PDE8A: variants seen among roughly 807,000 people sequenced by gnomAD.
The protein encoded by PDE8A is high affinity cAMP-specific and IBMX-insensitive 3',5'-cyclic phosphodiesterase 8A.
Under a neutral mutation model 105.0 loss-of-function variants are expected in PDE8A, and 59 were observed. The ratio of observed to expected loss-of-function variants is 0.56; its 90% CI spans 0.46 to 0.70. The LOEUF (loss-of-function observed/expected upper bound fraction) is 0.70, where lower values mean the gene tolerates loss of function less well. Among genes scored for constraint, PDE8A ranks in the 30% least tolerant of loss-of-function variants. The pLI is 0.00. For synonymous variants in PDE8A, 355 were observed against 371.9 expected (o/e 0.95, Z 0.52); for missense variants, 1,014 against 1,045.9 (o/e 0.97, Z 0.42).
intron 1 of PDE8A, among the ~76,000 whole-genome samples, chr15:85,008,044 T>TC (rs1269205653): frequency 4.6e-5 from 7 of 152,034 alleles, no homozygotes; most frequent in Admixed American, 1.3e-4. Flanking sequence ...CTGAGGTCCT[T>TC]AATGTATGTG....
chr15:85,126,119 T>C, intron 19 of PDE8A, 88 bp from the exon 20 acceptor site: 1 of 895,812 alleles, frequency 1.1e-6, no homozygotes, highest in South Asian at 2.2e-5. Flanking sequence ...TAGTGCTCTT[T>C]TTATGCTTAC....
At chr15:85,090,914 C>A in intron 7 of PDE8A, 130 bp from the exon 8 acceptor site, 1 of 729,796 alleles carries the variant, frequency 1.4e-6, no homozygotes, top group Non-Finnish European at 2.4e-6. Context: ...ACAACTGCCA[C>A]GGTGAGGTCC....
chr15:85,081,060 G>A (rs1164946751), intron 5 of PDE8A, among the ~76,000 whole-genome samples: 1 of 152,200 alleles, frequency 6.6e-6, no homozygotes, highest in Non-Finnish European at 1.5e-5. Context: ...TGTGACAAAA[G>A]GATGCTCAGG....
chr15:85,007,222 G>A (rs1038227199), intron 1 of PDE8A, among the ~76,000 whole-genome samples: 1 of 152,074 alleles, frequency 6.6e-6, no homozygotes, highest in South Asian at 2.1e-4. Flanking sequence ...GGCAGTGTCA[G>A]TTAAAGGGGC....
chr15:85,022,696 A>G (rs1167060713), intron 1 of PDE8A, among the ~76,000 whole-genome samples: 2 of 150,932 alleles, frequency 1.3e-5, no homozygotes, highest in Non-Finnish European at 3.0e-5. Context: ...TTACAGGTGC[A>G]TGCCACCACA....
chr15:85,078,260 A>G (rs528495376), intron 5 of PDE8A, among the ~76,000 whole-genome samples: 11 of 152,244 alleles, frequency 7.2e-5, no homozygotes, highest in South Asian at 6.2e-4. Flanking sequence ...GGAAAACAAG[A>G]CAGTGGAATA....
At chr15:85,061,983 C>CA (rs372273794) in intron 1 of PDE8A, among the ~76,000 whole-genome samples, 150 of 152,192 alleles carry the variant, frequency 9.9e-4, no homozygotes, top group African/African-American at 3.5e-3. Context: ...CTTAGATTTT[C>CA]ATGTTGTTCG....
chr15:85,098,369 A>G (rs2081796504), intron 9 of PDE8A, among the ~76,000 whole-genome samples: 1 of 152,184 alleles, frequency 6.6e-6, no homozygotes, highest in Non-Finnish European at 1.5e-5. Context: ...AAGATTTTTT[A>G]TCTAATTTGA....
At chr15:85,126,936 C>T (rs1321567435) in intron 20 of PDE8A, among the ~76,000 whole-genome samples, 1 of 152,170 alleles carries the variant, frequency 6.6e-6, no homozygotes. Context: ...CCAGAAGACA[C>T]GGGAACATCT....
chr15:85,112,138 A>G (rs2082029745), intron 12 of PDE8A, among the ~76,000 whole-genome samples: 1 of 151,812 alleles, frequency 6.6e-6, no homozygotes, highest in African/African-American at 2.4e-5. Flanking sequence ...TTTTTTTCTT[A>G]CCTTATTGCT....
intron 1 of PDE8A, among the ~76,000 whole-genome samples, chr15:85,007,514 A>G (rs1411775496): frequency 1.3e-5 from 2 of 151,840 alleles, no homozygotes; most frequent in South Asian, 2.1e-4. Context: ...CGCTATATGT[A>G]CTTTCTGTGT....
chr15:85,114,998 A>T (rs2082073559), intron 14 of PDE8A, among the ~76,000 whole-genome samples: 1 of 152,112 alleles, frequency 6.6e-6, no homozygotes. Context: ...ATGAGGTGAG[A>T]GAGGAGCTAA....
chr15:84,997,194 A>G (rs1021120598), intron 1 of PDE8A, among the ~76,000 whole-genome samples: 1 of 151,222 alleles, frequency 6.6e-6, no homozygotes, highest in Non-Finnish European at 1.5e-5. Flanking sequence ...TTTCTCCATT[A>G]TGTTTTTTTT....
At chr15:85,078,413 G>C (rs1334039876) in intron 5 of PDE8A, among the ~76,000 whole-genome samples, 1 of 151,830 alleles carries the variant, frequency 6.6e-6, no homozygotes, top group Non-Finnish European at 1.5e-5. Context: ...GGGCATGGTG[G>C]TGCACACCTG....
chr15:85,040,703 G>A (rs2141394510), intron 1 of PDE8A, among the ~76,000 whole-genome samples: 1 of 151,964 alleles, frequency 6.6e-6, no homozygotes, highest in East Asian at 1.9e-4. Flanking sequence ...TGGGACTACA[G>A]GCGCCCACCA....
intron 1 of PDE8A, among the ~76,000 whole-genome samples, chr15:84,993,271 G>C (rs372625682): frequency 2.0e-5 from 3 of 151,424 alleles, no homozygotes; most frequent in South Asian, 2.1e-4. Flanking sequence ...GTGAAACCCC[G>C]TCTCTTCTAA....
intron 1 of PDE8A, among the ~76,000 whole-genome samples, chr15:85,017,661 T>C (rs996002426): frequency 6.6e-6 from 1 of 150,914 alleles, no homozygotes; most frequent in Non-Finnish European, 1.5e-5. Flanking sequence ...CTGAGGCGGG[T>C]GGATTACTTG....
chr15:85,042,031 A>G (rs2080817571), intron 1 of PDE8A, among the ~76,000 whole-genome samples: 1 of 152,054 alleles, frequency 6.6e-6, no homozygotes. Context: ...TTAGAATTAG[A>G]CATAATTAGT....
intron 1 of PDE8A, among the ~76,000 whole-genome samples, chr15:84,997,948 G>A (rs764176426): frequency 4.6e-5 from 7 of 152,142 alleles, no homozygotes; most frequent in Non-Finnish European, 1.0e-4. Flanking sequence ...ATAAGGCTTT[G>A]TGCACAAAGA....
Sources: gnomAD v4.1 joint callset for allele counts (sites outside exome capture counted in the v4.1 genomes callset) on GRCh38, gnomAD v4.1.1 for gene constraint, MANE v1.5 for transcripts, NCBI Gene and HGNC (gene_info 2026-07-23, HGNC 2026-07-21) for gene names.